E2F3: variants seen among roughly 807,000 people sequenced by gnomAD.
E2F3 encodes E2F transcription factor 3, also known as transcription factor E2F3.
In E2F3, 11 loss-of-function variants were observed where a neutral mutation model predicts 44.4. The observed-to-expected ratio is 0.25, with a 90% CI of 0.16 to 0.41. The LOEUF is 0.41. Ranked by LOEUF, E2F3 falls within the 10% of genes least tolerant of loss-of-function variation. The pLI is 1.00. For synonymous variants in E2F3, 249 were observed against 253.0 expected (o/e 0.98, Z 0.15); for missense variants, 487 against 583.6 (o/e 0.83, Z 1.70).
intron 1 of E2F3, among the ~76,000 whole-genome samples, chr6:20,476,348 G>A (rs1762044531): frequency 2.6e-5 from 4 of 152,146 alleles, no homozygotes; most frequent in Admixed American, 6.5e-5. Flanking sequence ...TCCAGCCTGG[G>A]TGACAGAGCG....
rs1762571073 is a variant in E2F3, at chr6:20,492,166, C to CA, written c.*1742dup. 9.0e-6 allele frequency: 2 copies of CA among 221,646 alleles called. No homozygotes were observed. The highest frequency in any genetic ancestry group is 6.5e-5 in the East Asian group (1 of 15,280). 13.7% of individuals were successfully genotyped at this position (221,646 alleles called of 1,614,324 possible). ...TCCCTTAGGAAAAAAAAAAAACACA[C>CA]AAAAAACCACAAGAGCCCCAGCCAG... is the stretch of plus-strand genomic sequence containing the variant. On this transcript the variant is annotated 3_prime_UTR_variant, in exon 7 of 7. Transcript: ENST00000346618.
At chr6:20,433,437 G>A (rs1760470947) in intron 1 of E2F3, among the ~76,000 whole-genome samples, 1 of 152,154 alleles carries the variant, frequency 6.6e-6, no homozygotes, top group South Asian at 2.1e-4. Context: ...CCCTCTAACT[G>A]AAATTTAGCG....
chr6:20,428,692 T>C (rs750283686), intron 1 of E2F3, among the ~76,000 whole-genome samples: 3 of 152,220 alleles, frequency 2.0e-5, no homozygotes, highest in Non-Finnish European at 4.4e-5. Flanking sequence ...AACAGGTCTC[T>C]TGCCTAAATC....
intron 6 of E2F3, among the ~76,000 whole-genome samples, chr6:20,489,598 C>T (rs1239396878): frequency 6.6e-6 from 1 of 152,072 alleles, no homozygotes; most frequent in Non-Finnish European, 1.5e-5. Context: ...AGTTTTTGAA[C>T]TTGTTATCCT....
intron 1 of E2F3, among the ~76,000 whole-genome samples, chr6:20,419,332 G>A (rs1425871976): frequency 2.0e-5 from 3 of 152,016 alleles, no homozygotes; most frequent in Admixed American, 2.0e-4. Flanking sequence ...GCATTTCTAA[G>A]CGTTGAATTT....
chr6:20,456,963 A>G (rs1320846532), intron 1 of E2F3, among the ~76,000 whole-genome samples: 1 of 152,196 alleles, frequency 6.6e-6, no homozygotes, highest in Non-Finnish European at 1.5e-5. Flanking sequence ...TTTCAGGTTT[A>G]TGAACTCACT....
chr6:20,416,808 G>A (rs889075811), intron 1 of E2F3, among the ~76,000 whole-genome samples: 2 of 152,034 alleles, frequency 1.3e-5, no homozygotes, highest in African/African-American at 4.8e-5. Flanking sequence ...TGAGATTCTA[G>A]TAACATCAGA....
At chr6:20,425,325 G>A (rs1760178082) in intron 1 of E2F3, among the ~76,000 whole-genome samples, 1 of 151,928 alleles carries the variant, frequency 6.6e-6, no homozygotes, top group Admixed American at 6.6e-5. Flanking sequence ...ACACAGCCCT[G>A]GACATTCAGA....
At chr6:20,475,745 G>A (rs558900559) in intron 1 of E2F3, among the ~76,000 whole-genome samples, 7 of 152,200 alleles carry the variant, frequency 4.6e-5, no homozygotes, top group Admixed American at 4.6e-4. Flanking sequence ...TGCCTACCTC[G>A]GCCTCTCAAA....
At position 20,490,858 on chromosome 6, in the gene E2F3, C is replaced by T. The variant is rs542072016; in HGVS notation, c.*428C>T. 22 of 229,812 alleles carry T rather than the reference C, an allele frequency of 9.6e-5. No individual in the cohort carries two copies. Among genetic ancestry groups the T allele is most frequent in the East Asian group, 8.1e-4 (13 of 15,978 alleles). The allele number at this position is 229,812 out of a possible 1,614,324, so 14.2% of individuals were successfully genotyped here. ...ATAGCATTTCAAGCCGTGCCTTCTC[C>T]GCAGAATGCATGTCTTTGAGGTCTG... On this transcript the variant is annotated 3_prime_UTR_variant, in exon 7 of 7. Transcript: ENST00000346618. The surrounding 1 kb of genome is among the most constrained non-coding windows in gnomAD (Gnocchi z 4.3).
intron 1 of E2F3, among the ~76,000 whole-genome samples, chr6:20,464,368 G>A (rs1230807729): frequency 6.6e-6 from 1 of 152,154 alleles, no homozygotes; most frequent in Non-Finnish European, 1.5e-5. Context: ...TAAGGGGGAG[G>A]TTATCTCCTC....
intron 1 of E2F3, among the ~76,000 whole-genome samples, chr6:20,437,336 T>C (rs1239572930): frequency 1.3e-5 from 2 of 152,198 alleles, no homozygotes; most frequent in African/African-American, 4.8e-5. Context: ...AGGCTATTAT[T>C]CTGGTTTCCA....
chr6:20,479,722 G>C, intron 1 of E2F3, 124 bp from the exon 2 acceptor site: 1 of 725,012 alleles, frequency 1.4e-6, no homozygotes. Context: ...TGCTGAGTGG[G>C]GTGGAGCAGA....
At chr6:20,458,061 C>T (rs983063997) in intron 1 of E2F3, among the ~76,000 whole-genome samples, 1 of 151,914 alleles carries the variant, frequency 6.6e-6, no homozygotes, top group African/African-American at 2.4e-5. Context: ...CAATCACTGC[C>T]GTAGGCCTTT....
At chr6:20,458,354 A>G (rs572331993) in intron 1 of E2F3, among the ~76,000 whole-genome samples, 1 of 152,120 alleles carries the variant, frequency 6.6e-6, no homozygotes, top group Admixed American at 6.6e-5. Flanking sequence ...TGTCTTCCCC[A>G]TACCGAGGGG....
Position 20,488,199 on chromosome 6 carries a change from A to C in E2F3, c.1086A>C (p.Lys362Asn), listed in dbSNP as rs1762451893. The part of the protein sequence containing the change: ...PEETETHSPM[K>N]TNNQDHNGNI... ...AGACTGAAACACACAGTCCAATGAA[A>C]ACAAACAACCAAGACCACAATGGGA... Residue 362 changes from lysine to asparagine, a missense_variant, in exon 6 of 7, where the codon AAA becomes AAC. Physicochemically the swap from Lys to Asn is moderately conservative, Grantham distance 94. This residue lies in a region of E2F3 where 220 missense variants were observed against 261.7 expected (regional missense o/e 0.84). Transcript: ENST00000346618. The C allele has an allele frequency of 6.2e-7, 1 of 1,611,320 alleles. No homozygotes were observed. The highest frequency in any genetic ancestry group is 1.7e-5 in the Admixed American group (1 of 59,292).
intron 1 of E2F3, among the ~76,000 whole-genome samples, chr6:20,472,213 A>G (rs551891575): frequency 1.5e-4 from 23 of 152,218 alleles, no homozygotes; most frequent in East Asian, 7.7e-4. Flanking sequence ...CTCTGGGGAA[A>G]CTAAGCTGCT....
intron 1 of E2F3, among the ~76,000 whole-genome samples, chr6:20,403,197 G>A (rs1759368458): frequency 6.6e-6 from 1 of 152,006 alleles, no homozygotes; most frequent in South Asian, 2.1e-4. Flanking sequence ...GCAACAAAGG[G>A]GCTGGGGGAG....
intron 1 of E2F3, among the ~76,000 whole-genome samples, chr6:20,415,095 G>A (rs1296000274): frequency 6.6e-6 from 1 of 152,152 alleles, no homozygotes; most frequent in African/African-American, 2.4e-5. Flanking sequence ...CTCCTTCAGG[G>A]AAAACTATTG....
Sources: allele counts gnomAD v4.1 joint callset (sites outside exome capture counted in the v4.1 genomes callset), GRCh38; gene constraint gnomAD v4.1.1; regional missense constraint gnomAD v4.1.1; non-coding constraint Gnocchi (gnomAD v3.1); transcripts MANE v1.5; gene names NCBI Gene and HGNC (gene_info 2026-07-23, HGNC 2026-07-21).